The following PDE11A variants were observed in gnomAD, a reference collection of about 807,000 sequenced individuals.
PDE11A encodes phosphodiesterase 11A, also known as dual 3',5'-cyclic-AMP and -GMP phosphodiesterase 11A.
A neutral mutation model predicts 100.5 loss-of-function variants in PDE11A; 100 were observed. The ratio of observed to expected loss-of-function variants is 1.00; its 90% CI spans 0.85 to 1.18. The LOEUF is 1.18. Ranked by LOEUF, PDE11A falls within the 50% of genes most tolerant of loss-of-function variation. The pLI is 0.00. For synonymous variants in PDE11A, 381 were observed against 420.8 expected (o/e 0.91, Z 1.16); for missense variants, 1,141 against 1,152.6 (o/e 0.99, Z 0.15).
chr2:177,945,508 G>C (rs185611094), intron 2 of PDE11A, among the ~76,000 whole-genome samples: 1 of 146,272 alleles, frequency 6.8e-6, no homozygotes, highest in Non-Finnish European at 1.5e-5. Flanking sequence ...CTGCCCGGCC[G>C]AGACCCCGTC....
At chr2:177,957,210 C>T (rs113253687) in intron 2 of PDE11A, among the ~76,000 whole-genome samples, 31 of 152,198 alleles carry the variant, frequency 2.0e-4, no homozygotes, top group African/African-American at 6.7e-4. Flanking sequence ...ACAAATATTT[C>T]CACTTTTCTT....
At chr2:177,693,960 A>C (rs1033883949) in intron 15 of PDE11A, among the ~76,000 whole-genome samples, 1 of 152,194 alleles carries the variant, frequency 6.6e-6, no homozygotes, top group Non-Finnish European at 1.5e-5. Flanking sequence ...AACTCTAGGG[A>C]TTGTTCTGGC....
chr2:177,760,593 T>C (rs2082154780), intron 10 of PDE11A, among the ~76,000 whole-genome samples: 1 of 152,218 alleles, frequency 6.6e-6, no homozygotes, highest in African/African-American at 2.4e-5. Context: ...TATAGGTTCA[T>C]AAAATTATAG....
rs532554331 is a variant in PDE11A, at chr2:177,883,183, C to T, written c.1303-7260G>A. On this transcript the variant is annotated intron_variant, in intron 4 of 19. Transcript: ENST00000286063. Reference sequence around the variant, plus strand: ...ACTCAGCAGGCTGAGGCAGGAGAATCGTTTGAATCTGGGAAGTGGAGGCTG... The same window carrying T: ...ACTCAGCAGGCTGAGGCAGGAGAATTGTTTGAATCTGGGAAGTGGAGGCTG... 2.6e-5 allele frequency among the ~76,000 whole-genome samples: 4 copies of T among 151,326 alleles called. No individual in the cohort carries two copies. The South Asian group carries it at 8.4e-4, about 32-fold the overall frequency.
intron 2 of PDE11A, among the ~76,000 whole-genome samples, chr2:177,997,082 T>G (rs139111690): frequency 6.6e-6 from 1 of 152,238 alleles, no homozygotes; most frequent in South Asian, 2.1e-4. Flanking sequence ...GAACATTAAG[T>G]TTTTAGCTGA....
In PDE11A at chr2:177,727,817, A is replaced by G. The variant is rs113781905; in HGVS notation, c.1936-52T>C. The G allele has an allele frequency of 1.6e-3, 1,830 of 1,121,160 alleles. 5 individuals carry two copies. The highest frequency in any genetic ancestry group is 2.3e-3 in the Non-Finnish European group (1,664 of 730,146). The allele number at this position is 1,121,160 out of a possible 1,614,324, so 69.5% of individuals were successfully genotyped here. ...AGGCAGTTGTAAGTGATTCTAGTGG[A>G]CCCTTATCTCAATGGTGCCTTATAT... On this transcript the variant is annotated intron_variant, in intron 11 of 19. Coordinates refer to ENST00000286063, the MANE Select transcript of PDE11A (RefSeq NM_016953.4).
intron 10 of PDE11A, among the ~76,000 whole-genome samples, chr2:177,747,554 C>T (rs191408921): frequency 1.3e-5 from 2 of 152,146 alleles, no homozygotes; most frequent in Non-Finnish European, 2.9e-5. Flanking sequence ...TCAATTCTGG[C>T]GGTGTTCCAA....
intron 2 of PDE11A, among the ~76,000 whole-genome samples, chr2:177,933,068 C>CCACACACA (rs58818826): frequency 0.14 from 20,650 of 146,852 alleles, 1,489 homozygotes; most frequent in South Asian, 0.23. Context: ...TTTACAATAG[C>CCACACACA]CACACACACA....
intron 2 of PDE11A, among the ~76,000 whole-genome samples, chr2:178,007,915 C>T (rs2086231237): frequency 6.6e-6 from 1 of 152,050 alleles, no homozygotes; most frequent in Non-Finnish European, 1.5e-5. Flanking sequence ...ACCATGTTGG[C>T]CAGGCTGGTC....
At chr2:177,678,401 T>A (rs1217494976) in intron 16 of PDE11A, among the ~76,000 whole-genome samples, 3 of 152,172 alleles carry the variant, frequency 2.0e-5, no homozygotes, top group South Asian at 2.1e-4. Flanking sequence ...AAAGGATAAA[T>A]AATAAACATG....
chr2:177,848,775 A>T (rs1455568119), intron 5 of PDE11A, among the ~76,000 whole-genome samples: 1 of 152,056 alleles, frequency 6.6e-6, no homozygotes, highest in Non-Finnish European at 1.5e-5. Context: ...CAATACGAGC[A>T]AAGAAAAACA....
intron 1 of PDE11A, among the ~76,000 whole-genome samples, chr2:178,020,212 A>G (rs2086390033): frequency 6.6e-6 from 1 of 152,172 alleles, no homozygotes. Flanking sequence ...GATGGAATGG[A>G]CTGAAAATCC....
intron 10 of PDE11A, among the ~76,000 whole-genome samples, chr2:177,766,722 T>A (rs2082244755): frequency 6.6e-6 from 1 of 152,194 alleles, no homozygotes; most frequent in African/African-American, 2.4e-5. Flanking sequence ...ATAACAGACA[T>A]CAACTACCAA....
intron 1 of PDE11A, among the ~76,000 whole-genome samples, chr2:178,070,974 C>G (rs1194599618): frequency 6.6e-6 from 1 of 152,162 alleles, no homozygotes; most frequent in Non-Finnish European, 1.5e-5. Flanking sequence ...CCTGACATTC[C>G]TCTTCTTTTC....
At chr2:178,030,686 G>A (rs1234422287) in intron 1 of PDE11A, among the ~76,000 whole-genome samples, 1 of 152,000 alleles carries the variant, frequency 6.6e-6, no homozygotes. Context: ...GACTAGAGTG[G>A]GCAACATTGT....
chr2:177,919,802 A>G (rs1000286956), intron 2 of PDE11A, among the ~76,000 whole-genome samples: 1 of 152,174 alleles, frequency 6.6e-6, no homozygotes, highest in Admixed American at 6.5e-5. Flanking sequence ...AGGTAATTCT[A>G]AAATTCAAAT....
chr2:177,998,662 C>T lies in PDE11A; in HGVS notation c.1071+15640G>A, dbSNP rs1180843154. Reference sequence around the variant, plus strand: ...GCTAATCGTTTTTCCTTAGTACCACCTTTCACACCATCCAGTATCACTTGA... The same window carrying T: ...GCTAATCGTTTTTCCTTAGTACCACTTTTCACACCATCCAGTATCACTTGA... On this transcript the variant is annotated intron_variant, in intron 2 of 19. Coordinates refer to ENST00000286063, the MANE Select transcript of PDE11A (RefSeq NM_016953.4). The T allele has an allele frequency of 6.5e-6, 8 of 1,237,472 alleles. No homozygotes were observed. In the African/African-American group the frequency reaches 1.2e-4, roughly 18 times the overall value. The allele number at this position is 1,237,472 out of a possible 1,614,324, so 76.7% of individuals were successfully genotyped here.
chr2:177,635,789 G>T (rs76568868), intron 19 of PDE11A, among the ~76,000 whole-genome samples: 14,954 of 151,728 alleles, frequency 0.099, 916 homozygotes, highest in East Asian at 0.19. Context: ...ACCATACAGA[G>T]GGATCTGCAC....
chr2:177,841,485 T>C (rs1574201556), intron 5 of PDE11A, among the ~76,000 whole-genome samples: 1 of 152,248 alleles, frequency 6.6e-6, no homozygotes, highest in East Asian at 1.9e-4. Context: ...CTGCACTATA[T>C]GTAAGAAAAC....
Sources: allele counts gnomAD v4.1 joint callset (sites outside exome capture counted in the v4.1 genomes callset), GRCh38; gene constraint gnomAD v4.1.1; transcripts MANE v1.5; gene names NCBI Gene and HGNC (gene_info 2026-07-23, HGNC 2026-07-21).